UBE2E3: variants seen among roughly 807,000 people sequenced by gnomAD.
UBE2E3 encodes the protein ubiquitin-conjugating enzyme E2 E3.
UBE2E3 carries 5 observed loss-of-function variants against 23.6 expected under a neutral mutation model. The ratio of observed to expected loss-of-function variants is 0.21; its 90% confidence interval spans 0.11 to 0.44. The LOEUF is 0.44. Among genes scored for constraint, UBE2E3 ranks in the 20% least tolerant of loss-of-function variants. UBE2E3 has a pLI of 0.99. For missense variants in UBE2E3, 81 were observed against 249.8 expected (o/e 0.32, Z 4.55); for synonymous variants, 78 against 87.5 (o/e 0.89, Z 0.60).
chr2:181,003,941 T>C (rs186419501), intron 3 of UBE2E3, among the ~76,000 whole-genome samples: 59 of 152,358 alleles, frequency 3.9e-4, no homozygotes, highest in African/African-American at 1.3e-3. Context: ...TCAGAAATTA[T>C]ATAACTAGTC....
Position 181,057,356 on chromosome 2 carries a change from A to G in UBE2E3, c.246-337A>G, listed in dbSNP as rs777867623. ...TGTGCAACTTTCAGGTGACTCAGAA[A>G]AAAGTATGTCTCTATGCATGCTTGC... On this transcript the variant is annotated intron_variant, in intron 3 of 5. Coordinates refer to ENST00000410062, the MANE Select transcript of UBE2E3 (RefSeq NM_006357.4). Among the ~76,000 whole-genome samples the G allele has an allele frequency of 7.2e-5, 11 of 151,906 alleles. No homozygotes were observed. The South Asian group carries it at 1.9e-3, about 26-fold the overall frequency.
chr2:181,000,050 T>C (rs1445338645), intron 3 of UBE2E3, among the ~76,000 whole-genome samples: 1 of 152,206 alleles, frequency 6.6e-6, no homozygotes, highest in Non-Finnish European at 1.5e-5. Flanking sequence ...TAATACAGTT[T>C]GGTGATTGTT....
chr2:181,045,572 G>GT (rs1686650145), intron 3 of UBE2E3, among the ~76,000 whole-genome samples: 1 of 152,110 alleles, frequency 6.6e-6, no homozygotes. Context: ...CACCTGATGA[G>GT]TTTTTAAAGC....
intron 3 of UBE2E3, among the ~76,000 whole-genome samples, chr2:181,053,905 A>G (rs994324239): frequency 6.6e-6 from 1 of 151,764 alleles, no homozygotes; most frequent in Non-Finnish European, 1.5e-5. Context: ...CTGTTTCTGT[A>G]GTTTTGCCTC....
chr2:181,045,787 A>G (rs1472326585), intron 3 of UBE2E3, among the ~76,000 whole-genome samples: 1 of 152,144 alleles, frequency 6.6e-6, no homozygotes. Context: ...GATTTTCTCC[A>G]CACTGTTCCC....
At chr2:181,008,556 G>A (rs1251612894) in intron 3 of UBE2E3, among the ~76,000 whole-genome samples, 2 of 152,206 alleles carry the variant, frequency 1.3e-5, no homozygotes, top group Non-Finnish European at 2.9e-5. Context: ...GTCCTGACTG[G>A]GTAAGGGAAT....
At chr2:180,987,117 G>T (rs1684498441) in intron 3 of UBE2E3, among the ~76,000 whole-genome samples, 3 of 152,102 alleles carry the variant, frequency 2.0e-5, no homozygotes, top group Non-Finnish European at 4.4e-5. Flanking sequence ...ATGGTTTTAG[G>T]TATTGGAGGG....
At chr2:181,019,073 C>T (rs1469707629) in intron 3 of UBE2E3, among the ~76,000 whole-genome samples, 3 of 152,158 alleles carry the variant, frequency 2.0e-5, no homozygotes, top group Admixed American at 2.0e-4. Context: ...AAGCGATTCT[C>T]GTGCCTCAGT....
At chr2:181,057,612 C>A in intron 3 of UBE2E3, 81 bp from the exon 4 acceptor site, 1 of 1,235,480 alleles carries the variant, frequency 8.1e-7, no homozygotes, top group Non-Finnish European at 1.1e-6. Flanking sequence ...GCTAATTTAC[C>A]TTTAACACTT....
intron 3 of UBE2E3, among the ~76,000 whole-genome samples, chr2:181,029,057 G>T (rs1685986946): frequency 6.6e-6 from 1 of 151,970 alleles, no homozygotes; most frequent in Non-Finnish European, 1.5e-5. Flanking sequence ...TCTCCATATG[G>T]ATAACTATTT....
intron 3 of UBE2E3, among the ~76,000 whole-genome samples, chr2:180,997,508 TA>T (rs979149966): frequency 5.6e-4 from 85 of 152,224 alleles, no homozygotes; most frequent in African/African-American, 2.0e-3. Context: ...GTATGTGATA[TA>T]TATTCTTTTT....
intron 3 of UBE2E3, among the ~76,000 whole-genome samples, chr2:180,984,944 A>G (rs1684409101): frequency 6.6e-6 from 1 of 152,140 alleles, no homozygotes; most frequent in African/African-American, 2.4e-5. Flanking sequence ...GTGCTCAATA[A>G]TGCGAGTGGC....
intron 3 of UBE2E3, among the ~76,000 whole-genome samples, chr2:180,990,211 T>G (rs1217646924): frequency 1.3e-5 from 2 of 152,176 alleles, no homozygotes; most frequent in Admixed American, 6.5e-5. Flanking sequence ...TGCCCAGAGA[T>G]ATTTTTTGCT....
intron 3 of UBE2E3, among the ~76,000 whole-genome samples, chr2:181,043,988 T>G (rs1469044412): frequency 6.6e-6 from 1 of 152,198 alleles, no homozygotes; most frequent in Non-Finnish European, 1.5e-5. Context: ...TTACAAAAAC[T>G]TTTATTCACG....
chr2:180,984,415 G>A (rs1212568571), intron 3 of UBE2E3, among the ~76,000 whole-genome samples: 5 of 152,126 alleles, frequency 3.3e-5, no homozygotes, highest in Non-Finnish European at 7.4e-5. Flanking sequence ...CTAAAATTTT[G>A]CTAAGCTTTA....
chr2:180,982,967 G>C (rs539597402), intron 2 of UBE2E3, among the ~76,000 whole-genome samples: 1 of 152,118 alleles, frequency 6.6e-6, no homozygotes, highest in Non-Finnish European at 1.5e-5. Context: ...TATTTAATTG[G>C]ATGTAAGTGA....
intron 3 of UBE2E3, among the ~76,000 whole-genome samples, chr2:181,012,880 C>A (rs949972354): frequency 6.6e-6 from 1 of 152,118 alleles, no homozygotes; most frequent in Non-Finnish European, 1.5e-5. Context: ...ATTTATGGAG[C>A]CCCTACTATG....
chr2:181,011,799 A>C (rs1468250311), intron 3 of UBE2E3, among the ~76,000 whole-genome samples: 1 of 152,156 alleles, frequency 6.6e-6, no homozygotes, highest in East Asian at 1.9e-4. Flanking sequence ...AAAATGAATG[A>C]ACCATGTGTC....
intron 3 of UBE2E3, among the ~76,000 whole-genome samples, chr2:181,022,084 A>G (rs1479998641): frequency 6.6e-6 from 1 of 152,232 alleles, no homozygotes; most frequent in Non-Finnish European, 1.5e-5. Context: ...GTAATAAGAT[A>G]GCATTAACAG....
Sources: allele counts gnomAD v4.1 joint callset (sites outside exome capture counted in the v4.1 genomes callset), GRCh38; gene constraint gnomAD v4.1.1; transcripts MANE v1.5; gene names NCBI Gene and HGNC (gene_info 2026-07-23, HGNC 2026-07-21).